The following PHEX variants were observed in gnomAD, a reference collection of about 807,000 sequenced individuals.
The protein encoded by PHEX is phosphate regulating endopeptidase X-linked.
Under a neutral mutation model 68.0 loss-of-function variants are expected in PHEX, and 16 were observed. The observed-to-expected ratio is 0.24, with a 90% CI of 0.16 to 0.36. PHEX has a LOEUF of 0.36. Among genes scored for constraint, PHEX ranks in the 10% least tolerant of loss-of-function variants. PHEX has a pLI of 1.00. For missense variants in PHEX, 480 were observed against 575.5 expected (o/e 0.83, Z 1.70); for synonymous variants, 208 against 205.1 (o/e 1.01, Z -0.12).
At chrX:22,111,623 A>G (rs1014572505) in intron 10 of PHEX, 63 bp downstream of exon 10, 2 of 804,099 alleles carry the variant, frequency 2.5e-6, no homozygotes, top group South Asian at 4.1e-5. Flanking sequence ...AATAGTCCAT[A>G]TATTAACTGA....
chrX:22,227,426 A>ATC (rs1935543904), intron 19 of PHEX, 81 bp from the exon 20 acceptor site: 2 of 638,935 alleles, frequency 3.1e-6, no homozygotes, highest in Non-Finnish European at 5.3e-6. Flanking sequence ...GCAGGAGTAT[A>ATC]TATTTGCTAT....
chrX:22,096,807 C>CTTT, intron 7 of PHEX, 148 bp from the exon 8 acceptor site: 1 of 491,919 alleles, frequency 2.0e-6, no homozygotes. Flanking sequence ...AAAGTGATGT[C>CTTT]TTTTTTTCTC....
At chrX:22,071,399 G>T (rs1309769587) in intron 3 of PHEX, among the ~76,000 whole-genome samples, 1 of 111,462 alleles carries the variant, frequency 9.0e-6, no homozygotes, top group Non-Finnish European at 1.9e-5. Flanking sequence ...AATAATAAAA[G>T]TAGTCAGTCC....
intron 15 of PHEX, among the ~76,000 whole-genome samples, chrX:22,191,503 T>C (rs775839560): frequency 8.9e-6 from 1 of 112,613 alleles, no homozygotes; most frequent in Admixed American, 9.4e-5. Flanking sequence ...ATGACCATGA[T>C]GTGTGCTCCT....
At chrX:22,220,884 A>G (rs1027712731) in intron 17 of PHEX, among the ~76,000 whole-genome samples, 2 of 112,509 alleles carry the variant, frequency 1.8e-5, no homozygotes, top group Non-Finnish European at 3.8e-5. Flanking sequence ...CCCTGAATAT[A>G]GAAGACAGTC....
chrX:22,110,797 C>T (rs902676935), intron 9 of PHEX, among the ~76,000 whole-genome samples: 1 of 112,202 alleles, frequency 8.9e-6, no homozygotes, highest in Non-Finnish European at 1.9e-5. Flanking sequence ...TAATTATTAA[C>T]CCAGTTATTC....
rs1936459036 is a variant in PHEX, at chrX:22,248,551, CTG to C, written c.*602_*603del. On this transcript the variant is annotated 3_prime_UTR_variant, in exon 22 of 22. Transcript: ENST00000379374. Reference sequence around the variant, plus strand: ...AGCTTTGGAGTCTGTTGGAATGAAACTGTGTCTCACAGCTTGCATCTGATGTA... The same window carrying C: ...AGCTTTGGAGTCTGTTGGAATGAAACTGTCTCACAGCTTGCATCTGATGTA... The C allele has an allele frequency of 8.6e-6, 1 of 116,898 alleles. No homozygotes were observed. The highest frequency in any genetic ancestry group is 1.8e-5 in the Non-Finnish European group (1 of 55,809). The allele number at this position is 116,898 out of a possible 1,213,427, so 9.6% of individuals were successfully genotyped here. A position where few individuals can be genotyped will look rare whatever the true frequency, so the allele number is the denominator to read the frequency against.
intron 14 of PHEX, among the ~76,000 whole-genome samples, chrX:22,180,723 TTCTA>T (rs986993009): frequency 8.9e-6 from 1 of 111,930 alleles, no homozygotes; most frequent in Non-Finnish European, 1.9e-5. Flanking sequence ...ATCTTATTCA[TTCTA>T]TCTAAGTATA....
At chrX:22,045,020 G>GTT (rs1193698964) in intron 2 of PHEX, among the ~76,000 whole-genome samples, 4 of 102,970 alleles carry the variant, frequency 3.9e-5, no homozygotes, top group East Asian at 3.0e-4. Flanking sequence ...TTTTGCTAGT[G>GTT]TTTTTTTTTT....
At chrX:22,223,131 T>A (rs1219165493) in intron 18 of PHEX, among the ~76,000 whole-genome samples, 2 of 112,030 alleles carry the variant, frequency 1.8e-5, no homozygotes, top group Non-Finnish European at 3.8e-5. Flanking sequence ...GAAAACAGCT[T>A]CAGTTTCATT....
intron 2 of PHEX, among the ~76,000 whole-genome samples, chrX:22,044,339 A>G (rs746179873): frequency 9.0e-6 from 1 of 111,580 alleles, no homozygotes; most frequent in South Asian, 3.8e-4. Flanking sequence ...GGCTGCATAC[A>G]GTAACTATAA....
chrX:22,042,904 C>G (rs575497224), intron 2 of PHEX, among the ~76,000 whole-genome samples: 1 of 112,424 alleles, frequency 8.9e-6, no homozygotes. Flanking sequence ...ACCCAGAAAA[C>G]GATGTAACTC....
intron 9 of PHEX, among the ~76,000 whole-genome samples, chrX:22,106,546 G>A (rs1031833880): frequency 4.5e-5 from 5 of 110,978 alleles, no homozygotes; most frequent in South Asian, 3.8e-4. Flanking sequence ...CGAGTTGGGC[G>A]GATTGCTTGA....
intron 15 of PHEX, 60 bp from the exon 16 acceptor site, chrX:22,212,844 C>G: frequency 1.1e-6 from 1 of 904,075 alleles, no homozygotes; most frequent in East Asian, 3.1e-5. Flanking sequence ...ATAGCTAGAA[C>G]CAGGTACTCA....
intron 15 of PHEX, among the ~76,000 whole-genome samples, chrX:22,207,589 GA>G (rs754857109): frequency 9.1e-6 from 1 of 110,276 alleles, no homozygotes; most frequent in Non-Finnish European, 1.9e-5. Flanking sequence ...CAATTTCCAT[GA>G]AAAAAATAAG....
chrX:22,060,303 A>G (rs1040708805), intron 3 of PHEX, among the ~76,000 whole-genome samples: 12 of 111,986 alleles, frequency 1.1e-4, no homozygotes, highest in Middle Eastern at 4.2e-3. Context: ...TTGTTATTCA[A>G]TGTTGAAGAC....
intron 13 of PHEX, among the ~76,000 whole-genome samples, chrX:22,175,794 T>C (rs1030072507): frequency 2.7e-5 from 3 of 111,822 alleles, no homozygotes; most frequent in African/African-American, 6.5e-5. Context: ...CCCACTGATA[T>C]TATTTTTAAA....
intron 12 of PHEX, among the ~76,000 whole-genome samples, chrX:22,137,254 A>T (rs1338177820): frequency 9.0e-6 from 1 of 111,368 alleles, no homozygotes; most frequent in Non-Finnish European, 1.9e-5. Context: ...AAAAAGCTGG[A>T]TCCCTTCGGA....
chrX:22,190,235 A>G (rs1283966578), intron 14 of PHEX, among the ~76,000 whole-genome samples: 1 of 111,732 alleles, frequency 8.9e-6, no homozygotes, highest in African/African-American at 3.3e-5. Context: ...ATGTTAATAT[A>G]TTTTCATTGA....
Sources: gnomAD v4.1 joint callset for allele counts (sites outside exome capture counted in the v4.1 genomes callset) on GRCh38, gnomAD v4.1.1 for gene constraint, MANE v1.5 for transcripts, NCBI Gene and HGNC (gene_info 2026-07-23, HGNC 2026-07-21) for gene names.